RBM39: variants seen among roughly 807,000 people sequenced by gnomAD.
RBM39 encodes the protein RNA-binding protein 39.
RBM39 carries 12 observed loss-of-function variants against 79.6 expected under a neutral mutation model. The ratio of observed to expected loss-of-function variants is 0.15; its 90% confidence interval spans 0.10 to 0.24. The LOEUF (loss-of-function observed/expected upper bound fraction) is 0.24, where lower values mean the gene tolerates loss of function less well. RBM39 is among the 10% of genes least tolerant of loss of function. The pLI, the probability that RBM39 is intolerant of heterozygous loss-of-function variation, is 1.00. For missense variants in RBM39, 243 were observed against 653.4 expected (o/e 0.37, Z 6.85); for synonymous variants, 185 against 208.4 (o/e 0.89, Z 0.97).
intron 4 of RBM39, among the ~76,000 whole-genome samples, chr20:35,730,730 T>C (rs969532917): frequency 6.6e-6 from 1 of 151,896 alleles, no homozygotes; most frequent in Non-Finnish European, 1.5e-5. Context: ...GTAAAAAGAT[T>C]TAACATAATC....
rs2040630760 is a variant in RBM39 at position 35,742,233 on chromosome 20, C to T, written c.-306G>A. ...CTCCCTGAAATGGCGGCCGCTGCTT[C>T]CCTGTACTCACATTCACCAGCACAC... On this transcript the variant is annotated 5_prime_UTR_variant, in exon 1 of 17. Coordinates refer to ENST00000253363, the MANE Select transcript of RBM39 (RefSeq NM_184234.3). 6.4e-6 allele frequency: 1 copy of T among 157,380 alleles called. No individual in the cohort carries two copies. The highest frequency in any genetic ancestry group is 1.4e-5 in the Non-Finnish European group (1 of 70,662). 9.7% of individuals were successfully genotyped at this position (157,380 alleles called of 1,614,324 possible). A position where few individuals can be genotyped will look rare whatever the true frequency, so the allele number is the denominator to read the frequency against.
At chr20:35,707,252 C>A (rs1421517978) in intron 13 of RBM39, 51 bp from the exon 14 acceptor site, 8 of 1,346,806 alleles carry the variant, frequency 5.9e-6, no homozygotes, top group Admixed American at 5.4e-5. Context: ...ATGAAAGTAT[C>A]CCTCATAAAT....
At chr20:35,705,134 G>T (rs748761245) in intron 15 of RBM39, 91 bp downstream of exon 15, 52 of 771,342 alleles carry the variant, frequency 6.7e-5, no homozygotes, top group Non-Finnish European at 9.6e-5. Flanking sequence ...TATAATGGAA[G>T]ACGGTTAACC....
intron 14 of RBM39, 180 bp from the exon 15 acceptor site, chr20:35,705,510 C>A: frequency 2.0e-6 from 1 of 498,158 alleles, no homozygotes; most frequent in Non-Finnish European, 3.5e-6. Context: ...AATAAATTTT[C>A]AATGAGGCCG....
intron 9 of RBM39, among the ~76,000 whole-genome samples, chr20:35,717,859 G>A (rs2037348695): frequency 6.9e-6 from 1 of 144,650 alleles, no homozygotes; most frequent in Admixed American, 6.7e-5. Context: ...AAACAAGAAA[G>A]GAACTTTTTT....
At chr20:35,716,711 T>C (rs760497709) in intron 10 of RBM39, 29 bp downstream of exon 10, 32 of 1,313,512 alleles carry the variant, frequency 2.4e-5, no homozygotes, top group African/African-American at 3.0e-5. Flanking sequence ...AAAAAAACCC[T>C]AAGTAATATA....
intron 14 of RBM39, among the ~76,000 whole-genome samples, chr20:35,706,616 T>C (rs1248569142): frequency 6.6e-6 from 1 of 152,174 alleles, no homozygotes; most frequent in Non-Finnish European, 1.5e-5. Context: ...CTAGGCATAG[T>C]TACTAGCATT....
intron 10 of RBM39, among the ~76,000 whole-genome samples, chr20:35,715,519 T>C (rs1463003764): frequency 6.6e-6 from 1 of 152,106 alleles, no homozygotes; most frequent in African/African-American, 2.4e-5. Flanking sequence ...GGTTGTGAGG[T>C]ATGTACATTA....
chr20:35,714,719 G>A lies in RBM39; in HGVS notation c.892-330C>T, dbSNP rs560153857. Among the ~76,000 whole-genome samples, 180 of 152,220 alleles carry A rather than the reference G, an allele frequency of 1.2e-3. 2 individuals carry two copies. Among genetic ancestry groups the A allele is most frequent in the African/African-American group, 4.2e-3 (174 of 41,536 alleles). ...TAATCTCAACACTTGGAGAGGCCGA[G>A]GCAGGCAGACCACCTGAGGTAGAAT... On this transcript the variant is annotated intron_variant, in intron 10 of 16. Coordinates refer to ENST00000253363, the MANE Select transcript of RBM39 (RefSeq NM_184234.3).
chr20:35,731,068 T>A (rs2039315346), intron 4 of RBM39, among the ~76,000 whole-genome samples: 1 of 152,156 alleles, frequency 6.6e-6, no homozygotes, highest in Non-Finnish European at 1.5e-5. Context: ...AGAAAACAAA[T>A]GCTTAGCTTA....
intron 3 of RBM39, chr20:35,734,769 A>G: frequency 7.7e-7 from 1 of 1,296,530 alleles, no homozygotes; most frequent in Non-Finnish European, 1.0e-6. Flanking sequence ...AATCTTTTGC[A>G]TAAAAGCCCA....
intron 15 of RBM39, 62 bp from the exon 16 acceptor site, chr20:35,704,808 GTTTA>G (rs1309523431): frequency 7.0e-7 from 1 of 1,426,456 alleles, no homozygotes; most frequent in Non-Finnish European, 9.8e-7. Context: ...CCCAAGTTAT[GTTTA>G]TTCAAGTTGC....
In RBM39 at chr20:35,709,082, G is replaced by T; in HGVS notation, c.1225+142C>A. 6.4e-6 allele frequency: 4 copies of T among 623,000 alleles called. No homozygotes were observed. In the South Asian group the frequency reaches 6.6e-5, roughly 10 times the overall value. 38.6% of individuals were successfully genotyped at this position (623,000 alleles called of 1,614,324 possible). ...TTCTGAAATACAGACAGATTACTATGAATATACCACTATGTGTCACTGTGT... is the reference window on the plus strand; with the variant it reads ...TTCTGAAATACAGACAGATTACTATTAATATACCACTATGTGTCACTGTGT... On this transcript the variant is annotated intron_variant, in intron 13 of 16. Coordinates refer to ENST00000253363, the MANE Select transcript of RBM39 (RefSeq NM_184234.3).
chr20:35,714,644 A>G (rs1600436269), intron 10 of RBM39, among the ~76,000 whole-genome samples: 5 of 152,250 alleles, frequency 3.3e-5, no homozygotes, highest in Admixed American at 3.3e-4. Context: ...GAACATGGGG[A>G]TTGTGGTTAG....
intron 4 of RBM39, chr20:35,731,432 C>CATA (rs987874132): frequency 3.9e-5 from 6 of 153,104 alleles, no homozygotes; most frequent in African/African-American, 1.4e-4. Flanking sequence ...GGATCTTTAT[C>CATA]AATGAGCATA....
At chr20:35,712,683 A>AT (rs1370756000) in intron 12 of RBM39, among the ~76,000 whole-genome samples, 2 of 152,080 alleles carry the variant, frequency 1.3e-5, no homozygotes, top group Non-Finnish European at 2.9e-5. Context: ...AGTGCCTCTG[A>AT]TATTTTCTAA....
intron 3 of RBM39, among the ~76,000 whole-genome samples, chr20:35,735,353 T>C (rs769144910): frequency 7.9e-5 from 12 of 152,198 alleles, no homozygotes; most frequent in Non-Finnish European, 1.3e-4. Context: ...AGAAAATAGG[T>C]TGACAACCAG....
chr20:35,709,845 C>T (rs1478972963), intron 12 of RBM39, among the ~76,000 whole-genome samples: 1 of 152,032 alleles, frequency 6.6e-6, no homozygotes, highest in Non-Finnish European at 1.5e-5. Context: ...TCAAATCTAG[C>T]CCATAATGGG....
intron 11 of RBM39, chr20:35,713,683 A>AAAAAAAAAAAC: frequency 6.7e-6 from 1 of 148,984 alleles, no homozygotes; most frequent in African/African-American, 2.5e-5. Flanking sequence ...AAAAAAAAAA[A>AAAAAAAAAAAC]AAAAAAAAAA....
Sources: allele counts gnomAD v4.1 joint callset (sites outside exome capture counted in the v4.1 genomes callset), GRCh38; gene constraint gnomAD v4.1.1; transcripts MANE v1.5; gene names NCBI Gene and HGNC (gene_info 2026-07-23, HGNC 2026-07-21).